CERS6: variants seen among roughly 807,000 people sequenced by gnomAD.
The protein encoded by CERS6 is LAG1 homolog, ceramide synthase 6.
CERS6 carries 26 observed loss-of-function variants against 56.8 expected under a neutral mutation model. That is an observed-to-expected ratio of 0.46 (90% CI 0.34 to 0.63). The LOEUF is 0.63. Ranked by LOEUF, CERS6 falls within the 30% of genes least tolerant of loss-of-function variation. The pLI is 0.01. For missense variants in CERS6, 415 were observed against 467.5 expected, an observed-to-expected ratio of 0.89 and a Z score of 1.04; for synonymous variants, 164 against 173.3, an observed-to-expected ratio of 0.95 and a Z score of 0.42.
chr2:168,718,452 A>G (rs1039658753), intron 8 of CERS6, among the ~76,000 whole-genome samples: 8 of 152,166 alleles, frequency 5.3e-5, no homozygotes, highest in Admixed American at 2.0e-4. Context: ...CTCTGGATAT[A>G]AGTCCTGGCA....
intron 1 of CERS6, among the ~76,000 whole-genome samples, chr2:168,518,221 T>C (rs1694917609): frequency 6.6e-6 from 1 of 152,188 alleles, no homozygotes; most frequent in Non-Finnish European, 1.5e-5. Flanking sequence ...TAACATTTGA[T>C]TATAAACTGT....
At chr2:168,671,419 C>T (rs1685914638) in intron 4 of CERS6, among the ~76,000 whole-genome samples, 1 of 152,138 alleles carries the variant, frequency 6.6e-6, no homozygotes, top group Non-Finnish European at 1.5e-5. Flanking sequence ...CTAGTTACAT[C>T]TTGTTACTAT....
intron 6 of CERS6, among the ~76,000 whole-genome samples, chr2:168,703,322 C>T (rs575985018): frequency 8.5e-4 from 129 of 152,164 alleles, no homozygotes; most frequent in African/African-American, 2.9e-3. Flanking sequence ...TTTGGATGGA[C>T]GAGGCAGGCG....
intron 1 of CERS6, among the ~76,000 whole-genome samples, chr2:168,523,585 G>A (rs1695021221): frequency 6.6e-6 from 1 of 152,006 alleles, no homozygotes; most frequent in Non-Finnish European, 1.5e-5. Context: ...TGGCCATTAG[G>A]GACCCCACTA....
intron 1 of CERS6, among the ~76,000 whole-genome samples, chr2:168,513,887 C>T (rs1694840054): frequency 6.6e-6 from 1 of 152,108 alleles, no homozygotes; most frequent in Non-Finnish European, 1.5e-5. Context: ...GAGAAAAGGT[C>T]ATTCTTCCAA....
intron 1 of CERS6, among the ~76,000 whole-genome samples, chr2:168,542,842 G>C (rs550989503): frequency 6.6e-6 from 1 of 152,024 alleles, no homozygotes; most frequent in African/African-American, 2.4e-5. Flanking sequence ...GATTACAGGC[G>C]TGCACCACCA....
chr2:168,594,987 G>A (rs1683765450), intron 3 of CERS6, among the ~76,000 whole-genome samples: 1 of 152,180 alleles, frequency 6.6e-6, no homozygotes, highest in Non-Finnish European at 1.5e-5. Flanking sequence ...TTGAGATTAA[G>A]AGAATTGCCT....
At chr2:168,657,498 C>T (rs1043880279) in intron 4 of CERS6, among the ~76,000 whole-genome samples, 5 of 152,236 alleles carry the variant, frequency 3.3e-5, no homozygotes, top group African/African-American at 4.8e-5. Context: ...GGGTGGAGCT[C>T]GTCGGGGAGG....
intron 1 of CERS6, among the ~76,000 whole-genome samples, chr2:168,467,155 G>T (rs1398518994): frequency 6.6e-6 from 1 of 152,202 alleles, no homozygotes; most frequent in Non-Finnish European, 1.5e-5. Context: ...AAGAGGAGCA[G>T]CATAGAGTTA....
intron 1 of CERS6, among the ~76,000 whole-genome samples, chr2:168,536,411 AAAAT>A (rs1695264904): frequency 6.6e-6 from 1 of 152,194 alleles, no homozygotes; most frequent in Non-Finnish European, 1.5e-5. Context: ...ATTTTTTAAT[AAAAT>A]AAATAAACCT....
chr2:168,752,279 ATGTGTGTG>A (rs397870530), intron 8 of CERS6, among the ~76,000 whole-genome samples: 17 of 132,514 alleles, frequency 1.3e-4, no homozygotes, highest in East Asian at 2.3e-4. Flanking sequence ...AAAAAAATAA[ATGTGTGTG>A]TGTGTGTGTG....
chr2:168,635,541 A>C (rs1303625005), intron 4 of CERS6, among the ~76,000 whole-genome samples: 1 of 152,230 alleles, frequency 6.6e-6, no homozygotes, highest in African/African-American at 2.4e-5. Context: ...TAAAGCCAGC[A>C]GAAGTGCGGC....
At chr2:168,706,532 C>T (rs1475990049) in intron 6 of CERS6, among the ~76,000 whole-genome samples, 2 of 152,134 alleles carry the variant, frequency 1.3e-5, no homozygotes, top group African/African-American at 4.8e-5. Flanking sequence ...TCCAAAGAAG[C>T]ATCTTACTTT....
intron 3 of CERS6, among the ~76,000 whole-genome samples, chr2:168,609,146 T>A (rs192598454): frequency 6.6e-6 from 1 of 152,208 alleles, no homozygotes; most frequent in South Asian, 2.1e-4. Flanking sequence ...TCTTGGATGG[T>A]TGGTTCTATC....
chr2:168,754,521 A>G (rs1476965703), intron 8 of CERS6, among the ~76,000 whole-genome samples: 3 of 152,116 alleles, frequency 2.0e-5, no homozygotes, highest in African/African-American at 7.2e-5. Context: ...TACCCAGAGT[A>G]CACACACAAT....
Position 168,772,236 on chromosome 2 carries a change from C to G in CERS6, c.*2574C>G, listed in dbSNP as rs1367908986. ...AGCCTGTGTTGATATCTCCTCCTTC[C>G]TGGTCACATTCAAACCTTCCCAGAG... On this transcript the variant is annotated 3_prime_UTR_variant, in exon 10 of 10. Coordinates refer to ENST00000305747, the MANE Select transcript of CERS6 (RefSeq NM_203463.3). 6.6e-6 allele frequency: 1 copy of G among 152,366 alleles called. No individual in the cohort carries two copies. The highest frequency in any genetic ancestry group is 1.5e-5 in the Non-Finnish European group (1 of 68,034). The allele number at this position is 152,366 out of a possible 1,614,324, so 9.4% of individuals were successfully genotyped here.
At chr2:168,520,933 A>C (rs937245257) in intron 1 of CERS6, among the ~76,000 whole-genome samples, 2 of 152,076 alleles carry the variant, frequency 1.3e-5, no homozygotes, top group Admixed American at 1.3e-4. Context: ...TAAATACTGT[A>C]AATAAATTTT....
intron 1 of CERS6, among the ~76,000 whole-genome samples, chr2:168,536,976 A>ACTATTGTG (rs1695275605): frequency 6.6e-6 from 1 of 152,170 alleles, no homozygotes. Context: ...GAGAACATGG[A>ACTATTGTG]CTATTGTGTT....
At chr2:168,561,552 T>C (rs1695790745) in intron 3 of CERS6, among the ~76,000 whole-genome samples, 1 of 152,220 alleles carries the variant, frequency 6.6e-6, no homozygotes, top group Non-Finnish European at 1.5e-5. Flanking sequence ...AAAGTAAGCA[T>C]ATTATAAAAG....
Sources: allele counts gnomAD v4.1 joint callset (sites outside exome capture counted in the v4.1 genomes callset), GRCh38; gene constraint gnomAD v4.1.1; transcripts MANE v1.5; gene names NCBI Gene and HGNC (gene_info 2026-07-23, HGNC 2026-07-21).